Variants in RNGTT observed in about 807,000 individuals in gnomAD.
RNGTT encodes mRNA-capping enzyme.
RNGTT carries 33 observed loss-of-function variants against 79.3 expected under a neutral mutation model. That is an observed-to-expected ratio of 0.42 (90% CI 0.32 to 0.56). The LOEUF is 0.56. Ranked by LOEUF, RNGTT falls within the 20% of genes least tolerant of loss-of-function variation. The probability of loss-of-function intolerance (pLI) is 0.17; values close to 1 mark genes in which losing one functional copy is unlikely to be tolerated. For missense variants in RNGTT, 497 were observed against 739.1 expected (o/e 0.67, Z 3.80); for synonymous variants, 222 against 235.9 (o/e 0.94, Z 0.54).
intron 8 of RNGTT, among the ~76,000 whole-genome samples, chr6:88,876,496 A>C (rs1782523605): frequency 6.6e-6 from 1 of 152,192 alleles, no homozygotes; most frequent in Non-Finnish European, 1.5e-5. Context: ...GCCTAGGCAA[A>C]ACAGTGAGAC....
Position 88,612,069 on chromosome 6 carries a change from T to G in RNGTT, c.*650A>C, listed in dbSNP as rs966889515. The G allele has an allele frequency of 1.0e-4, 16 of 152,486 alleles. No individual in the cohort carries two copies. Among genetic ancestry groups the G allele is most frequent in the Non-Finnish European group, 2.2e-4 (15 of 68,034 alleles). 9.4% of individuals were successfully genotyped at this position (152,486 alleles called of 1,614,324 possible). A position where few individuals can be genotyped will look rare whatever the true frequency, so the allele number is the denominator to read the frequency against. ...AAACAATACAAACAGATGAAAATAC[T>G]CAAAATACTTCCTTTAGAAACAATG... On this transcript the variant is annotated 3_prime_UTR_variant, in exon 16 of 16. Transcript: ENST00000369485.
At chr6:88,663,574 C>A (rs757113654) in intron 14 of RNGTT, among the ~76,000 whole-genome samples, 2 of 152,122 alleles carry the variant, frequency 1.3e-5, no homozygotes, top group Non-Finnish European at 2.9e-5. Flanking sequence ...TCTGTCCGAC[C>A]CCACATCAGA....
At chr6:88,741,670 G>A (rs73496475) in intron 13 of RNGTT, among the ~76,000 whole-genome samples, 21 of 152,300 alleles carry the variant, frequency 1.4e-4, no homozygotes, top group African/African-American at 5.1e-4. Flanking sequence ...GAAAGATGAT[G>A]TGACATCACA....
chr6:88,904,586 G>T, intron 6 of RNGTT, 129 bp downstream of exon 6: 3 of 1,106,062 alleles, frequency 2.7e-6, no homozygotes, highest in Non-Finnish European at 3.7e-6. Flanking sequence ...TTTTTTTTTA[G>T]AAAGGGCTAG....
chr6:88,846,112 A>G (rs1450184020), intron 10 of RNGTT, among the ~76,000 whole-genome samples: 1 of 152,200 alleles, frequency 6.6e-6, no homozygotes, highest in Non-Finnish European at 1.5e-5. Flanking sequence ...ATAGACTGAA[A>G]GCAAGTTCAC....
intron 14 of RNGTT, among the ~76,000 whole-genome samples, chr6:88,655,201 T>G (rs936500118): frequency 1.3e-5 from 2 of 152,190 alleles, no homozygotes. Flanking sequence ...AGATTCCAAA[T>G]AAATACTTTA....
chr6:88,663,722 G>C (rs917545093), intron 14 of RNGTT, among the ~76,000 whole-genome samples: 1 of 152,160 alleles, frequency 6.6e-6, no homozygotes, highest in Non-Finnish European at 1.5e-5. Flanking sequence ...AAGAGGATAT[G>C]AAGCTTGGGA....
chr6:88,812,543 T>C (rs909500582), intron 11 of RNGTT, among the ~76,000 whole-genome samples: 1 of 152,252 alleles, frequency 6.6e-6, no homozygotes, highest in Non-Finnish European at 1.5e-5. Context: ...GTGTTTGAGA[T>C]GTAAAAGAGT....
intron 11 of RNGTT, among the ~76,000 whole-genome samples, chr6:88,843,299 A>G (rs2127899777): frequency 6.6e-6 from 1 of 152,268 alleles, no homozygotes; most frequent in Non-Finnish European, 1.5e-5. Flanking sequence ...CTGAAGAAAT[A>G]TCCACCCATA....
At chr6:88,896,293 A>G (rs1783244313) in intron 6 of RNGTT, among the ~76,000 whole-genome samples, 1 of 152,170 alleles carries the variant, frequency 6.6e-6, no homozygotes, top group Non-Finnish European at 1.5e-5. Context: ...ACATTACAAG[A>G]TAACATCCTA....
chr6:88,725,662 G>C (rs891041161), intron 13 of RNGTT, among the ~76,000 whole-genome samples: 42 of 152,092 alleles, frequency 2.8e-4, no homozygotes, highest in Admixed American at 2.3e-3. Context: ...TCCCCATGAG[G>C]GGGAGTTGAA....
intron 14 of RNGTT, among the ~76,000 whole-genome samples, chr6:88,675,672 A>G (rs1466049900): frequency 6.6e-6 from 1 of 151,438 alleles, no homozygotes; most frequent in Non-Finnish European, 1.5e-5. Context: ...AATCGAGTAT[A>G]AGATCATAGA....
chr6:88,631,235 T>C (rs1772871727), intron 14 of RNGTT, among the ~76,000 whole-genome samples: 1 of 152,254 alleles, frequency 6.6e-6, no homozygotes, highest in Non-Finnish European at 1.5e-5. Flanking sequence ...GCATGTACTA[T>C]GTTGCTACAT....
intron 13 of RNGTT, among the ~76,000 whole-genome samples, chr6:88,711,933 A>G (rs1388310471): frequency 6.6e-6 from 1 of 152,236 alleles, no homozygotes; most frequent in African/African-American, 2.4e-5. Flanking sequence ...TTACCATGAG[A>G]AATTAAGACT....
At chr6:88,918,443 A>G (rs925205154) in intron 4 of RNGTT, among the ~76,000 whole-genome samples, 3 of 152,160 alleles carry the variant, frequency 2.0e-5, no homozygotes, top group African/African-American at 4.8e-5. Context: ...GGGAAGAGGG[A>G]ATGCAAAACA....
At chr6:88,632,167 G>A (rs577222790) in intron 14 of RNGTT, among the ~76,000 whole-genome samples, 2 of 152,182 alleles carry the variant, frequency 1.3e-5, no homozygotes, top group Admixed American at 6.5e-5. Flanking sequence ...TCACCATGTT[G>A]CCCAGGCTGG....
At chr6:88,736,699 G>A (rs1777298348) in intron 13 of RNGTT, among the ~76,000 whole-genome samples, 1 of 152,210 alleles carries the variant, frequency 6.6e-6, no homozygotes, top group African/African-American at 2.4e-5. Flanking sequence ...CACCAAGGTT[G>A]TGCCTGTACT....
intron 13 of RNGTT, among the ~76,000 whole-genome samples, chr6:88,691,241 C>T (rs1775470086): frequency 6.6e-6 from 1 of 152,140 alleles, no homozygotes; most frequent in Admixed American, 6.5e-5. Context: ...GCGCTCTCTT[C>T]CTCCTGCTCT....
intron 11 of RNGTT, among the ~76,000 whole-genome samples, chr6:88,804,285 G>A (rs999398381): frequency 6.6e-6 from 1 of 152,206 alleles, no homozygotes; most frequent in Non-Finnish European, 1.5e-5. Context: ...ATGACTCTCT[G>A]AAACAAATGC....
Sources: gnomAD v4.1 joint callset for allele counts (sites outside exome capture counted in the v4.1 genomes callset) on GRCh38, gnomAD v4.1.1 for gene constraint, MANE v1.5 for transcripts, NCBI Gene and HGNC (gene_info 2026-07-23, HGNC 2026-07-21) for gene names.